IL18RAP: variants seen among roughly 807,000 people sequenced by gnomAD.
IL18RAP encodes interleukin 18 receptor accessory protein, also known as interleukin-18 receptor accessory protein.
Under a neutral mutation model 58.1 loss-of-function variants are expected in IL18RAP, and 37 were observed. The observed-to-expected ratio is 0.64, with a 90% CI of 0.49 to 0.84. The LOEUF is 0.84. IL18RAP is among the 40% of genes least tolerant of loss of function. The pLI is 0.00. For synonymous variants in IL18RAP, 268 were observed against 257.5 expected (o/e 1.04, Z -0.39); for missense variants, 667 against 704.8 (o/e 0.95, Z 0.61).
At chr2:102,440,888 C>A (rs1189066498) in intron 4 of IL18RAP, among the ~76,000 whole-genome samples, 1 of 152,034 alleles carries the variant, frequency 6.6e-6, no homozygotes. Flanking sequence ...TTGAAATAAA[C>A]CATGAGTTTA....
chr2:102,443,220 TG>T lies in IL18RAP; in HGVS notation c.818del (p.Cys273SerfsTer15). On this transcript the variant is annotated frameshift_variant, in exon 6 of 10. Coordinates refer to ENST00000687160, the MANE Select transcript of IL18RAP (RefSeq NM_001393487.1). LOFTEE classifies it high-confidence loss of function. ...TTCAGGAAAGCCTTTAACTATTAGC[TG>T]CAAAGCACGATTTGGCTTTGAAAGG... is the stretch of plus-strand genomic sequence containing the variant. ...VELGKPLTISCKARFGFERVF... is the reference protein window; with the variant it reads ...VELGKPLTISXKARFGFERVF... The T allele has an allele frequency of 6.2e-7, 1 of 1,613,174 alleles. No individual in the cohort carries two copies. Among genetic ancestry groups the T allele is most frequent in the Non-Finnish European group, 8.5e-7 (1 of 1,179,718 alleles).
chr2:102,438,100 T>C (rs1313240763), intron 4 of IL18RAP, among the ~76,000 whole-genome samples: 1 of 152,222 alleles, frequency 6.6e-6, no homozygotes, highest in Non-Finnish European at 1.5e-5. Flanking sequence ...TAATATGAGG[T>C]TGAACATTTT....
intron 4 of IL18RAP, among the ~76,000 whole-genome samples, chr2:102,438,117 T>C (rs11465698): frequency 0.11 from 17,000 of 152,286 alleles, 1,024 homozygotes; most frequent in Non-Finnish European, 0.13. Flanking sequence ...TTTTGCTATA[T>C]GTTTTTTGGT....
At chr2:102,447,276 A>C (rs1209421095) in intron 8 of IL18RAP, 69 bp downstream of exon 8, 6 of 1,530,770 alleles carry the variant, frequency 3.9e-6, no homozygotes, top group Non-Finnish European at 5.3e-6. Context: ...GGACAACAGA[A>C]AATACCATCA....
chr2:102,443,680 A>G (rs1350734461), intron 6 of IL18RAP, among the ~76,000 whole-genome samples: 2 of 152,172 alleles, frequency 1.3e-5, no homozygotes, highest in Non-Finnish European at 2.9e-5. Context: ...GTGGGGGTAC[A>G]GGGATCCAGA....
At chr2:102,439,966 A>G (rs918005837) in intron 4 of IL18RAP, 13 of 152,316 alleles carry the variant, frequency 8.5e-5, no homozygotes, top group African/African-American at 2.9e-4. Flanking sequence ...AAACCCGGAA[A>G]TGCTTGAAGA....
intron 3 of IL18RAP, among the ~76,000 whole-genome samples, chr2:102,433,073 G>A (rs561977556): frequency 2.6e-5 from 4 of 151,952 alleles, no homozygotes; most frequent in African/African-American, 9.7e-5. Context: ...GAGTTTTGAC[G>A]ACATTGCTGT....
intron 9 of IL18RAP, 146 bp downstream of exon 9, chr2:102,451,167 A>G (rs1485248876): frequency 9.9e-6 from 6 of 605,958 alleles, no homozygotes; most frequent in Non-Finnish European, 1.4e-5. Context: ...CACAGAAACT[A>G]TATGTTCCAG....
At chr2:102,449,737 T>C (rs1683649039) in intron 8 of IL18RAP, among the ~76,000 whole-genome samples, 1 of 152,160 alleles carries the variant, frequency 6.6e-6, no homozygotes. Flanking sequence ...AGTTTCCAGG[T>C]TATAGAAAAA....
At chr2:102,450,653 G>A (rs1473083988) in intron 8 of IL18RAP, among the ~76,000 whole-genome samples, 195 bp from the exon 9 acceptor site, 1 of 152,140 alleles carries the variant, frequency 6.6e-6, no homozygotes, top group Non-Finnish European at 1.5e-5. Context: ...TCATAAATTA[G>A]AATTCGATTT....
intron 3 of IL18RAP, among the ~76,000 whole-genome samples, chr2:102,429,391 G>A (rs1682187345): frequency 6.6e-6 from 1 of 151,746 alleles, no homozygotes; most frequent in Non-Finnish European, 1.5e-5. Context: ...ATAATCCTTT[G>A]TATTTTTGTG....
Position 102,424,026 on chromosome 2 carries a change from G to T in IL18RAP, c.286G>T (p.Asp96Tyr). The stretch of plus-strand genomic sequence containing the variant: ...ACCTTCGAATGGAGATCCATTAGAG[G>T]ACATTAGGAAAAGCTATCCTCACAT... ...QQPSNGDPLE[D>Y]IRKSYPHIIQ... Residue 96 changes from aspartate (D) to tyrosine (Y), a missense_variant, in exon 2 of 10, where the codon GAC becomes TAC. By Grantham distance (160) the Asp-to-Tyr change is radical (BLOSUM62 -3). Coordinates refer to ENST00000687160, the MANE Select transcript of IL18RAP (RefSeq NM_001393487.1). The T allele has an allele frequency of 6.2e-7, 1 of 1,614,060 alleles. No individual in the cohort carries two copies.
At chr2:102,443,431 A>T in intron 6 of IL18RAP, 108 bp downstream of exon 6, 4 of 1,273,360 alleles carry the variant, frequency 3.1e-6, no homozygotes, top group African/African-American at 1.5e-5. Flanking sequence ...AGCACCGACT[A>T]GTGGTGAAAA....
upstream of IL18RAP, among the ~76,000 whole-genome samples, chr2:102,422,707 T>A (rs1235310361): frequency 2.0e-5 from 3 of 152,144 alleles, no homozygotes; most frequent in Non-Finnish European, 4.4e-5. Flanking sequence ...CTCTTGCATG[T>A]GGGGCAGGGA....
At chr2:102,423,151 C>G (rs1681683681), upstream of IL18RAP, 4 of 944,118 alleles carry the variant, frequency 4.2e-6, no homozygotes, top group Admixed American at 5.8e-5. Flanking sequence ...GTTCTGACTT[C>G]TTCATTTCCC....
upstream of IL18RAP, among the ~76,000 whole-genome samples, chr2:102,422,501 C>T (rs1204567806): frequency 6.6e-6 from 1 of 152,178 alleles, no homozygotes; most frequent in Non-Finnish European, 1.5e-5. Context: ...TGCCTCCCCA[C>T]CCCTCTGCCC....
At chr2:102,421,907 G>C (rs1206949370), upstream of IL18RAP, among the ~76,000 whole-genome samples, 1 of 152,098 alleles carries the variant, frequency 6.6e-6, no homozygotes, top group Non-Finnish European at 1.5e-5. Flanking sequence ...TGGCTTCCTG[G>C]GAGAAAGCAG....
chr2:102,446,754 G>A lies in IL18RAP; in HGVS notation c.1073-316G>A, dbSNP rs368671427. On this transcript the variant is annotated intron_variant, in intron 7 of 9. Transcript: ENST00000687160. The stretch of plus-strand genomic sequence containing the variant: ...AGGCGGAGCTTGCAGTGAGCTGCGC[G>A]CCACTGCACTCCAGCCTGGGCGACA... 1.9e-4 allele frequency among the ~76,000 whole-genome samples: 28 copies of A among 143,716 alleles called. No individual in the cohort carries two copies. The East Asian group carries it at 3.2e-3, about 17-fold the overall frequency. 94.3% of individuals were successfully genotyped at this position (143,716 alleles called of 152,430 possible).
At chr2:102,450,765 T>A in intron 8 of IL18RAP, 83 bp from the exon 9 acceptor site, 3 of 716,926 alleles carry the variant, frequency 4.2e-6, no homozygotes, top group Non-Finnish European at 4.3e-6. Context: ...ATTTACCATA[T>A]GATTCAAGCA....
Sources: allele counts gnomAD v4.1 joint callset (sites outside exome capture counted in the v4.1 genomes callset), GRCh38; gene constraint gnomAD v4.1.1; transcripts MANE v1.5; gene names NCBI Gene and HGNC (gene_info 2026-07-23, HGNC 2026-07-21).